DPP6: variants seen among roughly 807,000 people sequenced by gnomAD.
DPP6 encodes dipeptidyl peptidase like 6, also known as A-type potassium channel modulatory protein DPP6.
In DPP6, 69 loss-of-function variants were observed where a neutral mutation model predicts 122.6. That is an observed-to-expected ratio of 0.56 (90% CI 0.46 to 0.69). The LOEUF is 0.69. DPP6 is among the 30% of genes least tolerant of loss of function. The pLI, the probability that DPP6 is intolerant of heterozygous loss-of-function variation, is 0.00. For missense variants in DPP6, 928 were observed against 1,116.9 expected, an observed-to-expected ratio of 0.83 and a Z score of 2.41; for synonymous variants, 418 against 433.1, an observed-to-expected ratio of 0.97 and a Z score of 0.43.
intron 5 of DPP6, among the ~76,000 whole-genome samples, chr7:154,567,280 T>C (rs62477170): frequency 1.3e-5 from 2 of 152,210 alleles, no homozygotes; most frequent in Admixed American, 1.3e-4. Flanking sequence ...TGCCAGGTTC[T>C]CCTTAAACTG....
intron 1 of DPP6, among the ~76,000 whole-genome samples, chr7:154,432,458 G>A (rs1317704927): frequency 1.3e-5 from 2 of 152,198 alleles, no homozygotes; most frequent in Admixed American, 6.5e-5. Flanking sequence ...AAAGAGGCCA[G>A]TGTGGGACAA....
At chr7:154,319,851 C>G (rs1189790100) in intron 1 of DPP6, among the ~76,000 whole-genome samples, 1 of 141,586 alleles carries the variant, frequency 7.1e-6, no homozygotes, top group Admixed American at 7.1e-5. Flanking sequence ...ATTAGCTGGG[C>G]ATGGTGGTGG....
chr7:154,878,723 C>T (rs565755159), intron 20 of DPP6, among the ~76,000 whole-genome samples: 215 of 152,272 alleles, frequency 1.4e-3, no homozygotes, highest in African/African-American at 4.8e-3. Flanking sequence ...TGGAAGGCAG[C>T]GGGCAGCTGT....
Position 154,020,643 on chromosome 7 carries a change from A to C in DPP6, c.51+132909A>C, listed in dbSNP as rs546280838. On this transcript the variant is annotated intron_variant, in intron 1 of 25. Transcript: ENST00000404039. Reference sequence around the variant, plus strand: ...CTCTAGCATGATGTTCAAGCTCTGAAAATTGCAAGTGAATTTAAATAGCCT... The same window carrying C: ...CTCTAGCATGATGTTCAAGCTCTGACAATTGCAAGTGAATTTAAATAGCCT... Among the ~76,000 whole-genome samples, 6 of 152,276 alleles carry C rather than the reference A, an allele frequency of 3.9e-5. No homozygotes were observed. In the East Asian group the frequency reaches 5.8e-4, roughly 15 times the overall value.
At chr7:153,763,128 T>A in the DPP6 span, among the ~76,000 whole-genome samples, 1 of 152,142 alleles carries the variant, frequency 6.6e-6, no homozygotes, top group Non-Finnish European at 1.5e-5. Flanking sequence ...GCCCTCACTT[T>A]CTCACTTTCC....
chr7:154,041,727 A>C (rs1799774846), intron 1 of DPP6, among the ~76,000 whole-genome samples: 1 of 151,784 alleles, frequency 6.6e-6, no homozygotes, highest in Non-Finnish European at 1.5e-5. Flanking sequence ...CCTTGCAAAC[A>C]CTGGCCCCTT....
intron 6 of DPP6, among the ~76,000 whole-genome samples, chr7:154,660,406 G>T (rs1837566487): frequency 6.7e-6 from 1 of 150,024 alleles, no homozygotes. Context: ...ATTGGCCGTA[G>T]TGTTCATATA....
Position 154,801,360 on chromosome 7 carries a change from A to G in DPP6, c.1305A>G (p.Glu435=). The change falls in exon 13 of 26, where the codon GAA becomes GAG. Residue 435 remains glutamate (E), a synonymous_variant. Transcript: ENST00000377770. ...ESEAWLHRQN[E]EPVFSKDGRK... is the part of the protein sequence containing the mutation. Reference sequence around the variant, plus strand: ...TCCGTGGCCTTTGTCCACAGAATGAAGAACCTGTGTTCTCCAAGGATGGCC... The same window carrying G: ...TCCGTGGCCTTTGTCCACAGAATGAGGAACCTGTGTTCTCCAAGGATGGCC... 6.3e-7 allele frequency: 1 copy of G among 1,585,150 alleles called. No homozygotes were observed. Among genetic ancestry groups the G allele is most frequent in the East Asian group, 2.3e-5 (1 of 43,934 alleles).
chr7:154,615,747 A>C (rs1377411785), intron 5 of DPP6, among the ~76,000 whole-genome samples: 1 of 152,082 alleles, frequency 6.6e-6, no homozygotes, highest in Admixed American at 6.5e-5. Flanking sequence ...CATCCACAAC[A>C]GAAACTCTGT....
chr7:154,744,754 A>G (rs758045486), intron 8 of DPP6, among the ~76,000 whole-genome samples: 1 of 152,206 alleles, frequency 6.6e-6, no homozygotes, highest in South Asian at 2.1e-4. Flanking sequence ...CGTATTTCGG[A>G]GCACAGATCT....
intron 1 of DPP6, among the ~76,000 whole-genome samples, chr7:153,948,975 A>T (rs530380878): frequency 6.6e-6 from 1 of 152,152 alleles, no homozygotes; most frequent in Non-Finnish European, 1.5e-5. Context: ...AAAAGCTCAC[A>T]GTTAATTTTG....
intron 1 of DPP6, among the ~76,000 whole-genome samples, chr7:154,113,412 T>TATATATATATATATATATATACAC (rs1472172445): frequency 7.8e-5 from 11 of 141,716 alleles, no homozygotes; most frequent in African/African-American, 2.6e-4. Flanking sequence ...TATATATATA[T>TATATATATATATATATATATACAC]ACACACACAC....
intron 1 of DPP6, among the ~76,000 whole-genome samples, chr7:153,893,088 G>C (rs1036555161): frequency 2.6e-5 from 4 of 152,222 alleles, no homozygotes; most frequent in African/African-American, 7.2e-5. Context: ...CCCAAAGCCA[G>C]AGGTGATCAG....
chr7:154,389,965 C>G (rs907888153), intron 1 of DPP6, among the ~76,000 whole-genome samples: 2 of 152,208 alleles, frequency 1.3e-5, no homozygotes, highest in South Asian at 4.1e-4. Context: ...TTGCAATGTT[C>G]AATTCTAAAG....
intron 6 of DPP6, among the ~76,000 whole-genome samples, chr7:154,641,606 A>G (rs1260572870): frequency 6.6e-6 from 1 of 152,160 alleles, no homozygotes; most frequent in African/African-American, 2.4e-5. Context: ...TATGTCTATT[A>G]TCTATCTACC....
intron 16 of DPP6, among the ~76,000 whole-genome samples, chr7:154,829,107 G>A (rs1584820509): frequency 1.3e-5 from 2 of 152,080 alleles, no homozygotes; most frequent in Non-Finnish European, 2.9e-5. Context: ...AAGAGGCTGA[G>A]CGCAGTGGCT....
chr7:153,925,888 G>C (rs1359932831), intron 1 of DPP6, among the ~76,000 whole-genome samples: 1 of 152,188 alleles, frequency 6.6e-6, no homozygotes, highest in Non-Finnish European at 1.5e-5. Flanking sequence ...GTGAGTGTCT[G>C]GTATATTTCC....
intron 5 of DPP6, among the ~76,000 whole-genome samples, chr7:154,579,562 C>T (rs190159990): frequency 3.5e-4 from 53 of 152,274 alleles, no homozygotes; most frequent in Admixed American, 3.5e-3. Flanking sequence ...CCTGAATGAA[C>T]TAATTGTTTT....
intron 1 of DPP6, chr7:154,058,011 G>A (rs1178514280): frequency 1.3e-5 from 2 of 149,546 alleles, no homozygotes; most frequent in Non-Finnish European, 3.0e-5. Flanking sequence ...GAACATAAAG[G>A]CCCCCCATTT....
Sources: gnomAD v4.1 joint callset for allele counts (sites outside exome capture counted in the v4.1 genomes callset) on GRCh38, gnomAD v4.1.1 for gene constraint, MANE v1.5 for transcripts, NCBI Gene and HGNC (gene_info 2026-07-23, HGNC 2026-07-21) for gene names.